Variants in RNF213 observed in about 807,000 individuals in gnomAD.
The protein encoded by RNF213 is ring finger protein 213.
A neutral mutation model predicts 514.4 loss-of-function variants in RNF213; 341 were observed. That is an observed-to-expected ratio of 0.66 (90% CI 0.61 to 0.73). RNF213 has a LOEUF of 0.73. Among genes scored for constraint, RNF213 ranks in the 30% least tolerant of loss-of-function variants. The pLI is 0.00. For missense variants in RNF213, 5,767 were observed against 6,615.6 expected (o/e 0.87, Z 4.45); for synonymous variants, 2,655 against 2,658.2 (o/e 1.00, Z 0.04).
At chr17:80,360,881 T>G (rs1043631024) in intron 38 of RNF213, among the ~76,000 whole-genome samples, 1 of 152,212 alleles carries the variant, frequency 6.6e-6, no homozygotes, top group Non-Finnish European at 1.5e-5. Flanking sequence ...TGCCACTTTT[T>G]CTCAAAGCAG....
chr17:80,375,771 C>T lies in RNF213; in HGVS notation c.13086C>T (p.Thr4362=), dbSNP rs2079728749. Residue 4362 remains threonine (T), a synonymous_variant, in exon 51 of 68, where the codon ACC becomes ACT. Coordinates refer to ENST00000582970, the MANE Select transcript of RNF213 (RefSeq NM_001256071.3). ...GIKTALKACK[T]PQSQQSAYFL... The stretch of plus-strand genomic sequence containing the variant: ...CCTTGATTTTGCAGGCCTGCAAGAC[C>T]CCCCAAAGCCAGCAGTCAGCCTACT... 3 of 1,613,438 alleles carry T rather than the reference C, an allele frequency of 1.9e-6. No homozygotes were observed. The highest frequency in any genetic ancestry group is 2.7e-5 in the African/African-American group (2 of 74,882).
At chr17:80,273,432 G>GC in intron 3 of RNF213, 28 bp downstream of exon 3, 3 of 1,609,336 alleles carry the variant, frequency 1.9e-6, no homozygotes, top group Non-Finnish European at 2.5e-6. Flanking sequence ...GCTCCCCTCC[G>GC]CCCCCGCTCA....
chr17:80,313,687 T>C (rs2045668673), intron 15 of RNF213, among the ~76,000 whole-genome samples: 2 of 140,332 alleles, frequency 1.4e-5, no homozygotes, highest in Non-Finnish European at 3.2e-5. Flanking sequence ...GAGGTGATGG[T>C]GGTGGTGAAG....
Position 80,358,357 on chromosome 17 carries a change from C to T in RNF213, c.10932C>T (p.Asp3644=). ...PLLASMISFI[D]RDGNLELLTR... is the part of the protein sequence containing the mutation. ...TGGCGAGCATGATATCATTCATCGACAGAGACGGCAACCTAGAGTTACTGA... is the reference window on the plus strand; with the variant it reads ...TGGCGAGCATGATATCATTCATCGATAGAGACGGCAACCTAGAGTTACTGA... Residue 3644 remains aspartate (D), a synonymous_variant, in exon 37 of 68, where the codon GAC becomes GAT. Coordinates refer to ENST00000582970, the MANE Select transcript of RNF213 (RefSeq NM_001256071.3). 1 of 1,614,194 alleles carries T rather than the reference C, an allele frequency of 6.2e-7. No individual in the cohort carries two copies. Among genetic ancestry groups the T allele is most frequent in the Admixed American group, 1.7e-5 (1 of 60,032 alleles).
rs1302558347 is a variant in RNF213, at chr17:80,388,632, C to T, written c.14943C>T (p.Tyr4981=). ...LSLKGIPTLV[Y]RHDWNYEHLF... Reference sequence around the variant, plus strand: ...TTTAGGGAATACCCACTCTGGTGTACAGACACGACTGGAACTATGAACATC... The same window carrying T: ...TTTAGGGAATACCCACTCTGGTGTATAGACACGACTGGAACTATGAACATC... Residue 4981 remains tyrosine (Y), a synonymous_variant, in exon 64 of 68, where the codon TAC becomes TAT. Coordinates refer to ENST00000582970, the MANE Select transcript of RNF213 (RefSeq NM_001256071.3). The T allele has an allele frequency of 1.2e-6, 2 of 1,612,072 alleles. No individual in the cohort carries two copies. Among genetic ancestry groups the T allele is most frequent in the South Asian group, 2.2e-5 (2 of 91,034 alleles).
At position 80,263,685 on chromosome 17, in the gene RNF213, G is replaced by A. The variant is rs1245082175; in HGVS notation, c.4G>A (p.Glu2Lys). The change falls in exon 2 of 68, where the codon GAG (glutamate) becomes AAG (lysine). Residue 2 changes from glutamate (E) to lysine (K), a missense_variant. Physicochemically the swap from Glu to Lys is moderately conservative, Grantham distance 56 (BLOSUM62 1). This residue lies in a region of RNF213 where 509 missense variants were observed against 496.7 expected (regional missense o/e 1.02). Coordinates refer to ENST00000582970, the MANE Select transcript of RNF213 (RefSeq NM_001256071.3). This position sits in a 1 kb window ranked among gnomAD's most constrained non-coding sequence, Gnocchi z 4.9. M[E>K]CPSCQHVSKE... ...CAGGGCAGTCCCAGCAGGACCCATG[G>A]AGTGTCCTTCGTGCCAGCATGTCTC... The A allele has an allele frequency of 1.9e-5, 31 of 1,613,624 alleles. No homozygotes were observed. The highest frequency in any genetic ancestry group is 2.5e-5 in the Non-Finnish European group (30 of 1,179,630).
intron 2 of RNF213, among the ~76,000 whole-genome samples, chr17:80,265,042 T>TTTTGTTTG (rs1555635698): frequency 1.4e-5 from 1 of 71,254 alleles, no homozygotes. Context: ...CCATGTTTGT[T>TTTTGTTTG]TGTTTTTTTT....
At chr17:80,299,047 C>G (rs1032527794) in intron 11 of RNF213, among the ~76,000 whole-genome samples, 1 of 152,146 alleles carries the variant, frequency 6.6e-6, no homozygotes, top group Non-Finnish European at 1.5e-5. Context: ...CCGTTGTTAG[C>G]ACGGTGGCAT....
At position 80,349,818 on chromosome 17, in the gene RNF213, G is replaced by C. The variant is rs1319357343; in HGVS notation, c.10000G>C (p.Glu3334Gln). 1 of 1,614,016 alleles carries C rather than the reference G, an allele frequency of 6.2e-7. No individual in the cohort carries two copies. Among genetic ancestry groups the C allele is most frequent in the Non-Finnish European group, 8.5e-7 (1 of 1,180,026 alleles). ...LLTSHDCEILESEVTGRAPKP... is the reference protein window; with the variant it reads ...LLTSHDCEILQSEVTGRAPKP... ...AACAAGTCACGACTGTGAAATTTTA[G>C]AATCAGAGGTCACAGGCAGGGCTCC... The change falls in exon 30 of 68, where the codon GAA (glutamate) becomes CAA (glutamine). Residue 3334 changes from glutamate (E) to glutamine (Q), a missense_variant. Physicochemically the swap from Glu to Gln is conservative, Grantham distance 29 (BLOSUM62 2). Transcript: ENST00000582970.
intron 10 of RNF213, 71 bp downstream of exon 10, chr17:80,295,884 G>T (rs2044924040): frequency 6.4e-7 from 1 of 1,560,350 alleles, no homozygotes; most frequent in East Asian, 2.2e-5. Flanking sequence ...AAAAATAAGT[G>T]CTTGACTAGA....
At chr17:80,379,164 G>A (rs1297035872) in intron 54 of RNF213, among the ~76,000 whole-genome samples, 1 of 152,194 alleles carries the variant, frequency 6.6e-6, no homozygotes, top group Non-Finnish European at 1.5e-5. Context: ...CTGCACTCCA[G>A]CCTGGAGGAC....
At chr17:80,384,883 T>C in intron 59 of RNF213, 156 bp from the exon 60 acceptor site, 2 of 806,304 alleles carry the variant, frequency 2.5e-6, no homozygotes, top group Non-Finnish European at 4.1e-6. Flanking sequence ...TGGGAAGAAC[T>C]TTTCCCGTTT....
chr17:80,355,767 T>C (rs113411478), intron 36 of RNF213, among the ~76,000 whole-genome samples: 301 of 22,780 alleles, frequency 0.013, 3 homozygotes, highest in Middle Eastern at 0.036. Context: ...GCGGGGTGAA[T>C]GGGAATGGGG....
chr17:80,344,695 GT>G lies in RNF213; in HGVS notation c.6362del (p.Phe2121SerfsTer18), dbSNP rs1192563625. ...SSALRTRVPQ[F>X]SFLDIFPKVT... ...CTTTCCAGCGTACACGTGTACCCCA[GT>G]TCAGTTTTCTTGACATCTTCCCAAA... On this transcript the variant is annotated frameshift_variant, in exon 29 of 68. Coordinates refer to ENST00000582970, the MANE Select transcript of RNF213 (RefSeq NM_001256071.3). LOFTEE classifies it high-confidence loss of function. 6.2e-7 allele frequency: 1 copy of G among 1,614,110 alleles called. No individual in the cohort carries two copies. Among genetic ancestry groups the G allele is most frequent in the Non-Finnish European group, 8.5e-7 (1 of 1,180,028 alleles).
In RNF213 at chr17:80,332,033, A is replaced by G; in HGVS notation, c.3545A>G (p.His1182Arg). Residue 1182 changes from histidine (H) to arginine (R), a missense_variant, in exon 21 of 68, where the codon CAC becomes CGC. Coordinates refer to ENST00000582970, the MANE Select transcript of RNF213 (RefSeq NM_001256071.3). ...GACTTTGGAGTGCTTGCAGTAAGAC[A>G]CTCACAAGACCTCAGCAGTAAAAGA... ...QVDFGVLAVR[H>R]SQDLSSKRLN... 2 of 1,536,792 alleles carry G rather than the reference A, an allele frequency of 1.3e-6. No homozygotes were observed. Among genetic ancestry groups the G allele is most frequent in the Non-Finnish European group, 1.7e-6 (2 of 1,146,678 alleles).
At chr17:80,337,010 G>A (rs147702922) in intron 23 of RNF213, 237 of 165,140 alleles carry the variant, frequency 1.4e-3, no homozygotes, top group African/African-American at 5.5e-3. Context: ...GCCAGCCTCC[G>A]GACGGCTGCT....
intron 3 of RNF213, among the ~76,000 whole-genome samples, chr17:80,281,559 ACAAACG>A: frequency 3.5e-5 from 2 of 56,642 alleles, no homozygotes. Context: ...ACCCCCCAAG[ACAAACG>A]CCCCACTCAC....
intron 8 of RNF213, 87 bp from the exon 9 acceptor site, chr17:80,294,633 A>C: frequency 6.8e-7 from 1 of 1,479,338 alleles, no homozygotes; most frequent in Non-Finnish European, 9.4e-7. Context: ...TATCTGTACC[A>C]GTCGTGATCA....
At position 80,287,808 on chromosome 17, in the gene RNF213, T is replaced by C; in HGVS notation, c.262-7T>C. The C allele has an allele frequency of 6.2e-7, 1 of 1,613,730 alleles. No homozygotes were observed. On this transcript the variant is annotated splice_region_variant and splice_polypyrimidine_tract_variant and intron_variant, in intron 3 of 67. Coordinates refer to ENST00000582970, the MANE Select transcript of RNF213 (RefSeq NM_001256071.3). ...GAAATAAAGTGAGTGTCTCTCTTTC[T>C]GTTTAGAGCAAAAAGAAGAAAAGGA...
Sources: allele counts gnomAD v4.1 joint callset (sites outside exome capture counted in the v4.1 genomes callset), GRCh38; gene constraint gnomAD v4.1.1; regional missense constraint gnomAD v4.1.1; non-coding constraint Gnocchi (gnomAD v3.1); transcripts MANE v1.5; gene names NCBI Gene and HGNC (gene_info 2026-07-23, HGNC 2026-07-21).